CD247: variants seen among roughly 807,000 people sequenced by gnomAD.
CD247 encodes T-cell surface glycoprotein CD3 zeta chain.
In CD247, 13 loss-of-function variants were observed where a neutral mutation model predicts 30.0. The ratio of observed to expected loss-of-function variants is 0.43; its 90% CI spans 0.28 to 0.69. The LOEUF (loss-of-function observed/expected upper bound fraction) is 0.69, where lower values mean the gene tolerates loss of function less well. Ranked by LOEUF, CD247 falls within the 30% of genes least tolerant of loss-of-function variation. The pLI is 0.16. For missense variants in CD247, 193 were observed against 212.6 expected, an observed-to-expected ratio of 0.91 and a Z score of 0.57; for synonymous variants, 72 against 80.0, an observed-to-expected ratio of 0.90 and a Z score of 0.53.
At chr1:167,434,272 C>T (rs1571506376) in intron 5 of CD247, 196 bp from the exon 6 acceptor site, 1 of 636,948 alleles carries the variant, frequency 1.6e-6, no homozygotes, top group East Asian at 2.8e-5. Context: ...CCCTCATCCT[C>T]AGCCCTTTGG....
At chr1:167,456,881 C>A (rs909026617) in intron 1 of CD247, among the ~76,000 whole-genome samples, 1 of 152,226 alleles carries the variant, frequency 6.6e-6, no homozygotes, top group African/African-American at 2.4e-5. Context: ...GTTCATTCCT[C>A]AAACTTTGTC....
At chr1:167,435,518 T>A in intron 4 of CD247, 84 bp from the exon 5 acceptor site, 1 of 1,095,652 alleles carries the variant, frequency 9.1e-7, no homozygotes, top group Non-Finnish European at 1.4e-6. Context: ...TCCTGCCCCC[T>A]GACTGCAGTT....
At chr1:167,450,033 C>T (rs1464294159) in intron 1 of CD247, among the ~76,000 whole-genome samples, 1 of 152,090 alleles carries the variant, frequency 6.6e-6, no homozygotes, top group African/African-American at 2.4e-5. Flanking sequence ...TGTCATTTTA[C>T]TATTAATAAA....
intron 1 of CD247, among the ~76,000 whole-genome samples, chr1:167,473,092 TACACACACACAC>T (rs35004482): frequency 7.5e-5 from 11 of 146,526 alleles, no homozygotes; most frequent in African/African-American, 2.3e-4. Flanking sequence ...CTTCAAGTTT[TACACACACACAC>T]ACACACACAC....
chr1:167,439,168 C>A (rs893603757), intron 3 of CD247, among the ~76,000 whole-genome samples, 176 bp downstream of exon 3: 1 of 152,216 alleles, frequency 6.6e-6, no homozygotes, highest in Admixed American at 6.5e-5. Flanking sequence ...GAGACAGGTA[C>A]AATTACTACA....
intron 1 of CD247, among the ~76,000 whole-genome samples, chr1:167,485,320 C>T (rs1344665290): frequency 6.6e-6 from 1 of 152,202 alleles, no homozygotes; most frequent in Non-Finnish European, 1.5e-5. Context: ...CCGCTGTGGC[C>T]TGGCGCTGCG....
chr1:167,455,897 C>T (rs1652631658), intron 1 of CD247, among the ~76,000 whole-genome samples: 1 of 152,162 alleles, frequency 6.6e-6, no homozygotes, highest in Non-Finnish European at 1.5e-5. Flanking sequence ...GGCCTGGCTC[C>T]GGCTGGCCCG....
Position 167,440,443 on chromosome 1 carries a change from C to T in CD247, c.162+221G>A, listed in dbSNP as rs1465561472. 7 of 604,004 alleles carry T rather than the reference C, an allele frequency of 1.2e-5. No individual in the cohort carries two copies. In the East Asian group the frequency reaches 2.0e-4, roughly 17 times the overall value. The allele number at this position is 604,004 out of a possible 1,614,324, so 37.4% of individuals were successfully genotyped here. On this transcript the variant is annotated intron_variant, in intron 2 of 7. Coordinates refer to ENST00000362089, the MANE Select transcript of CD247 (RefSeq NM_198053.3). ...ATTTGTACGGCTTGTCATGGAGGTG[C>T]CTAGCACCAGGCTCTCCCTCCTACC... is the stretch of plus-strand genomic sequence containing the variant.
At chr1:167,431,851 A>C (rs1486947300) in intron 7 of CD247, 105 bp from the exon 8 acceptor site, 1 of 958,346 alleles carries the variant, frequency 1.0e-6, no homozygotes, top group Non-Finnish European at 1.7e-6. Flanking sequence ...CCCTGTGACC[A>C]CCCACCCAGC....
In CD247 at chr1:167,458,263, C is replaced by A. The variant is rs528585899; in HGVS notation, c.59-17496G>T. On this transcript the variant is annotated intron_variant, in intron 1 of 7. Coordinates refer to ENST00000362089, the MANE Select transcript of CD247 (RefSeq NM_198053.3). Reference sequence around the variant, plus strand: ...TCACATTCCCAAACATGCTCTTCACCGTCCCTGCTGTCCCCACGTGCCTAG... The same window carrying A: ...TCACATTCCCAAACATGCTCTTCACAGTCCCTGCTGTCCCCACGTGCCTAG... Among the ~76,000 whole-genome samples the A allele has an allele frequency of 7.2e-5, 11 of 152,362 alleles. No homozygotes were observed. The East Asian group carries it at 1.9e-3, about 27-fold the overall frequency.
intron 1 of CD247, among the ~76,000 whole-genome samples, chr1:167,471,292 G>A (rs1443932690): frequency 6.6e-6 from 1 of 152,150 alleles, no homozygotes; most frequent in Admixed American, 6.5e-5. Context: ...TTTCTGGAAA[G>A]TAATTCAGCT....
intron 4 of CD247, among the ~76,000 whole-genome samples, 155 bp downstream of exon 4, chr1:167,438,415 G>C (rs536186628): frequency 1.3e-5 from 2 of 152,190 alleles, no homozygotes; most frequent in African/African-American, 4.8e-5. Flanking sequence ...AAGAGGGTGC[G>C]GCAGCAAGTG....
At chr1:167,487,244 G>A (rs1202415303) in intron 1 of CD247, among the ~76,000 whole-genome samples, 1 of 151,894 alleles carries the variant, frequency 6.6e-6, no homozygotes, top group Non-Finnish European at 1.5e-5. Context: ...AGGCATGGTG[G>A]TGGGCGCCTG....
rs1651264145 is a variant in CD247, at chr1:167,431,514, A to G, written c.*167T>C. ...CTCCCTTAAAGAGTGCAGGGACAAC[A>G]GTCTGTGTGTGAAGGTTTGGAGCTA... On this transcript the variant is annotated 3_prime_UTR_variant, in exon 8 of 8. Coordinates refer to ENST00000362089, the MANE Select transcript of CD247 (RefSeq NM_198053.3). 2.8e-6 allele frequency: 2 copies of G among 722,600 alleles called. No homozygotes were observed. Among genetic ancestry groups the G allele is most frequent in the South Asian group, 3.1e-5 (2 of 65,290 alleles). The allele number at this position is 722,600 out of a possible 1,614,324, so 44.8% of individuals were successfully genotyped here. A position where few individuals can be genotyped will look rare whatever the true frequency, so the allele number is the denominator to read the frequency against.
chr1:167,463,465 G>A (rs1213940056), intron 1 of CD247, among the ~76,000 whole-genome samples: 1 of 152,144 alleles, frequency 6.6e-6, no homozygotes, highest in Non-Finnish European at 1.5e-5. Context: ...AAGGAGAAAG[G>A]GAGAGGGAGG....
At chr1:167,442,157 A>T (rs1015091962) in intron 1 of CD247, among the ~76,000 whole-genome samples, 1 of 152,218 alleles carries the variant, frequency 6.6e-6, no homozygotes, top group Non-Finnish European at 1.5e-5. Flanking sequence ...ACATCATTGC[A>T]CTGTGAATGA....
chr1:167,440,544 C>A lies in CD247; in HGVS notation c.162+120G>T. ...ACACACTTGGCTGGTCCTTGCTTTG[C>A]TCCTGGATACCAAGCCCCAGGCACC... On this transcript the variant is annotated intron_variant, in intron 2 of 7. Transcript: ENST00000362089. The A allele has an allele frequency of 5.6e-6, 4 of 719,228 alleles. No individual in the cohort carries two copies. The South Asian group carries it at 6.0e-5, about 11-fold the overall frequency. The allele number at this position is 719,228 out of a possible 1,614,324, so 44.6% of individuals were successfully genotyped here.
chr1:167,440,799 C>T, intron 1 of CD247, 32 bp from the exon 2 acceptor site: 5 of 1,462,616 alleles, frequency 3.4e-6, no homozygotes, highest in Non-Finnish European at 4.8e-6. Flanking sequence ...GTCAGCCAGG[C>T]CCAAGGTGAC....
chr1:167,490,308 C>G (rs1654392422), intron 1 of CD247, among the ~76,000 whole-genome samples: 1 of 152,194 alleles, frequency 6.6e-6, no homozygotes. Context: ...ATCTTCCCCT[C>G]TCTATCTCTT....
Sources: gnomAD v4.1 joint callset for allele counts (sites outside exome capture counted in the v4.1 genomes callset) on GRCh38, gnomAD v4.1.1 for gene constraint, MANE v1.5 for transcripts, NCBI Gene and HGNC (gene_info 2026-07-23, HGNC 2026-07-21) for gene names.